Variants in LRMDA observed in about 807,000 individuals in gnomAD.
The protein encoded by LRMDA is leucine-rich melanocyte differentiation-associated protein.
Under a neutral mutation model 29.8 loss-of-function variants are expected in LRMDA, and 18 were observed. The observed-to-expected ratio is 0.60, with a 90% confidence interval of 0.42 to 0.90. The LOEUF is 0.90. LRMDA is among the 40% of genes least tolerant of loss of function. LRMDA has a pLI of 0.00. For missense variants in LRMDA, 273 were observed against 273.9 expected (o/e 1.00, Z 0.02); for synonymous variants, 125 against 109.4 (o/e 1.14, Z -0.89).
chr10:76,095,624 T>A (rs1849300557), intron 5 of LRMDA, among the ~76,000 whole-genome samples: 1 of 152,274 alleles, frequency 6.6e-6, no homozygotes, highest in African/African-American at 2.4e-5. Context: ...AATGTATGAA[T>A]GTTCCAGTTC....
intron 2 of LRMDA, among the ~76,000 whole-genome samples, chr10:75,584,172 C>T (rs1840629411): frequency 6.6e-6 from 1 of 152,140 alleles, no homozygotes; most frequent in African/African-American, 2.4e-5. Flanking sequence ...TCCCCATAGG[C>T]CTTTTATTGC....
intron 2 of LRMDA, among the ~76,000 whole-genome samples, chr10:75,997,544 T>C (rs1053278703): frequency 6.6e-6 from 1 of 152,048 alleles, no homozygotes; most frequent in African/African-American, 2.4e-5. Flanking sequence ...ATGGCTAAGA[T>C]GTTTCTGTCT....
intron 6 of LRMDA, among the ~76,000 whole-genome samples, chr10:76,354,740 C>T (rs978587029): frequency 1.3e-5 from 2 of 152,098 alleles, no homozygotes; most frequent in African/African-American, 4.8e-5. Flanking sequence ...TATTTTGATA[C>T]ACGCATATAA....
At chr10:75,814,775 C>T (rs1844029086) in intron 2 of LRMDA, among the ~76,000 whole-genome samples, 1 of 152,198 alleles carries the variant, frequency 6.6e-6, no homozygotes. Context: ...CCAATTAGCA[C>T]ACTTAAGATG....
intron 6 of LRMDA, among the ~76,000 whole-genome samples, chr10:76,327,963 T>C (rs1017253372): frequency 2.0e-5 from 3 of 152,214 alleles, no homozygotes; most frequent in Non-Finnish European, 2.9e-5. Flanking sequence ...ATAGGATGAA[T>C]TGAAGTAACT....
At chr10:76,547,494 C>CATTTATTTATTTATTT (rs148952693) in intron 6 of LRMDA, among the ~76,000 whole-genome samples, 2 of 151,872 alleles carry the variant, frequency 1.3e-5, no homozygotes, top group Non-Finnish European at 2.9e-5. Context: ...TAGTTGCCGC[C>CATTTATTTATTTATTT]ATTTATTTAT....
rs114166452 is a variant in LRMDA at position 76,102,595 on chromosome 10, A to G, written c.516+43812A>G. Among the ~76,000 whole-genome samples the G allele has an allele frequency of 4.3e-3, 652 of 152,300 alleles. 2 individuals carry two copies. The highest frequency in any genetic ancestry group is 0.015 in the African/African-American group (627 of 41,562). On this transcript the variant is annotated intron_variant, in intron 5 of 6. Transcript: ENST00000611255. ...TGTTTTAATGGCTGCATAGTATGCT[A>G]TGGTATAAATGTACCATATTTGCTT... is the stretch of plus-strand genomic sequence containing the variant.
chr10:75,471,167 A>G (rs936438946), intron 2 of LRMDA, among the ~76,000 whole-genome samples: 2 of 152,178 alleles, frequency 1.3e-5, no homozygotes, highest in Non-Finnish European at 2.9e-5. Flanking sequence ...AGTGGTAGTA[A>G]TAAACCACTT....
chr10:75,803,047 C>G (rs1384876898), intron 2 of LRMDA, among the ~76,000 whole-genome samples: 1 of 150,532 alleles, frequency 6.6e-6, no homozygotes, highest in Admixed American at 6.6e-5. Flanking sequence ...TTCCTCCTAT[C>G]ATTTATTGAG....
intron 6 of LRMDA, among the ~76,000 whole-genome samples, chr10:76,369,510 G>A (rs573177322): frequency 6.6e-6 from 1 of 152,072 alleles, no homozygotes; most frequent in Admixed American, 6.6e-5. Context: ...TCCTTTATAG[G>A]TTACCTGGTG....
intron 5 of LRMDA, among the ~76,000 whole-genome samples, chr10:76,249,636 C>T (rs1247482): frequency 0.62 from 94,198 of 152,014 alleles, 29,833 homozygotes; most frequent in African/African-American, 0.77. Flanking sequence ...TTTAAAGAAA[C>T]AGAAAATATT....
At chr10:75,772,581 G>A (rs1302268550) in intron 2 of LRMDA, among the ~76,000 whole-genome samples, 1 of 152,112 alleles carries the variant, frequency 6.6e-6, no homozygotes. Flanking sequence ...CGGTCAATTC[G>A]CTAATGAATA....
intron 2 of LRMDA, among the ~76,000 whole-genome samples, chr10:75,458,864 A>G (rs1464238719): frequency 1.3e-5 from 2 of 152,186 alleles, no homozygotes; most frequent in Non-Finnish European, 2.9e-5. Flanking sequence ...CCTTGCAAGG[A>G]GCAAGCGGCT....
intron 2 of LRMDA, among the ~76,000 whole-genome samples, chr10:75,679,164 G>A (rs992128612): frequency 3.3e-5 from 5 of 152,144 alleles, no homozygotes; most frequent in African/African-American, 1.2e-4. Flanking sequence ...AGCTCCCACT[G>A]TGTAATTTCT....
intron 6 of LRMDA, among the ~76,000 whole-genome samples, chr10:76,379,454 T>C (rs1437272329): frequency 2.0e-5 from 3 of 152,068 alleles, no homozygotes; most frequent in African/African-American, 7.2e-5. Flanking sequence ...TGGTTCAATT[T>C]TGGGGGTTAT....
intron 1 of LRMDA, 127 bp downstream of exon 1, chr10:75,431,881 T>C: frequency 1.0e-6 from 1 of 981,714 alleles, no homozygotes; most frequent in Non-Finnish European, 1.3e-6. Context: ...CTGCAGGGGG[T>C]GAGCTTCAGG....
At chr10:76,495,545 G>A (rs562018410) in intron 6 of LRMDA, among the ~76,000 whole-genome samples, 1 of 151,640 alleles carries the variant, frequency 6.6e-6, no homozygotes, top group Non-Finnish European at 1.5e-5. Flanking sequence ...GATAGGCATT[G>A]CATTAAACCT....
intron 5 of LRMDA, among the ~76,000 whole-genome samples, chr10:76,143,986 A>C (rs1171804885): frequency 6.6e-6 from 1 of 152,186 alleles, no homozygotes; most frequent in Non-Finnish European, 1.5e-5. Context: ...AGGTTTGTTA[A>C]AGATCAGATA....
intron 2 of LRMDA, among the ~76,000 whole-genome samples, chr10:76,020,290 T>C (rs1331312779): frequency 6.6e-6 from 1 of 152,094 alleles, no homozygotes; most frequent in Non-Finnish European, 1.5e-5. Flanking sequence ...CAGGAAAACA[T>C]GTCACATAAA....
Sources: allele counts gnomAD v4.1 joint callset (sites outside exome capture counted in the v4.1 genomes callset), GRCh38; gene constraint gnomAD v4.1.1; transcripts MANE v1.5; gene names NCBI Gene and HGNC (gene_info 2026-07-23, HGNC 2026-07-21).